The following AGBL1 variants were observed in gnomAD, a reference collection of about 807,000 sequenced individuals.
The protein encoded by AGBL1 is AGBL carboxypeptidase 1.
In AGBL1, 130 loss-of-function variants were observed where a neutral mutation model predicts 118.9. The observed-to-expected ratio is 1.09, with a 90% confidence interval of 0.95 to 1.26. The LOEUF (loss-of-function observed/expected upper bound fraction) is 1.26. Ranked by LOEUF, AGBL1 falls within the 50% of genes most tolerant of loss-of-function variation. The pLI, the probability that AGBL1 is intolerant of heterozygous loss-of-function variation, is 0.00. For missense variants in AGBL1, 1,584 were observed against 1,298.1 expected (o/e 1.22, Z -3.38); for synonymous variants, 555 against 478.9 (o/e 1.16, Z -2.08).
At chr15:86,661,273 A>C (rs970201614) in intron 21 of AGBL1, among the ~76,000 whole-genome samples, 4 of 152,086 alleles carry the variant, frequency 2.6e-5, no homozygotes, top group African/African-American at 9.7e-5. Context: ...TGGACTCTAA[A>C]ATGACACCCT....
At chr15:86,529,981 C>A (rs1193207041) in intron 19 of AGBL1, among the ~76,000 whole-genome samples, 34 of 137,450 alleles carry the variant, frequency 2.5e-4, no homozygotes, top group African/African-American at 1.0e-3. Flanking sequence ...AAAGGAACAA[C>A]CGGTACCAGC....
At chr15:87,017,523 C>A (rs547564637) in intron 24 of AGBL1, among the ~76,000 whole-genome samples, 1 of 152,090 alleles carries the variant, frequency 6.6e-6, no homozygotes, top group African/African-American at 2.4e-5. Flanking sequence ...CCATAGTGGA[C>A]CCCTAGAAAA....
intron 24 of AGBL1, among the ~76,000 whole-genome samples, chr15:86,994,812 T>A (rs1036259451): frequency 3.9e-5 from 6 of 152,218 alleles, no homozygotes; most frequent in Non-Finnish European, 7.3e-5. Context: ...CTTTAGAACA[T>A]AAAGTATATG....
chr15:86,946,738 T>C (rs532121061), intron 23 of AGBL1, among the ~76,000 whole-genome samples: 9 of 148,552 alleles, frequency 6.1e-5, no homozygotes, highest in Non-Finnish European at 1.2e-4. Flanking sequence ...CCTCAGCTAC[T>C]CGGGAGGCTG....
intron 23 of AGBL1, among the ~76,000 whole-genome samples, chr15:86,948,677 T>A (rs1596664686): frequency 6.6e-6 from 1 of 152,248 alleles, no homozygotes; most frequent in African/African-American, 2.4e-5. Context: ...AACATTCTTT[T>A]CTGTTTGAGT....
chr15:86,756,898 C>G lies in AGBL1; in HGVS notation c.3158+82462C>G, dbSNP rs544818263. ...TGACAGTTCAAATAGCTCCCTCTGG[C>G]TGTAGTTTGGTTGTGTTGACCAAAT... On this transcript the variant is annotated intron_variant, in intron 22 of 22. Transcript: ENST00000614907. Among the ~76,000 whole-genome samples the G allele has an allele frequency of 2.6e-5, 4 of 151,020 alleles. No individual in the cohort carries two copies. The East Asian group carries it at 7.8e-4, about 30-fold the overall frequency.
intron 22 of AGBL1, among the ~76,000 whole-genome samples, chr15:86,831,207 A>G (rs2079099605): frequency 6.6e-6 from 1 of 152,206 alleles, no homozygotes; most frequent in South Asian, 2.1e-4. Flanking sequence ...TATGGGAGCT[A>G]AAATTCAAGA....
intron 1 of AGBL1, among the ~76,000 whole-genome samples, chr15:86,134,604 C>T (rs201411526): frequency 0.01 from 888 of 84,582 alleles, 16 homozygotes; most frequent in South Asian, 0.034. Context: ...TCAATGGTGC[C>T]TTTTTTTTTT....
intron 18 of AGBL1, among the ~76,000 whole-genome samples, chr15:86,472,304 A>G (rs1318303200): frequency 6.6e-6 from 1 of 152,222 alleles, no homozygotes; most frequent in East Asian, 1.9e-4. Context: ...GGTGATTACA[A>G]GACCTGGTTA....
intron 8 of AGBL1, 29 bp downstream of exon 8, chr15:86,257,047 A>T: frequency 6.3e-7 from 1 of 1,596,892 alleles, no homozygotes; most frequent in Non-Finnish European, 8.5e-7. Context: ...TATGACCTTT[A>T]AGATGAGTTT....
chr15:86,451,600 C>T (rs2082193773), intron 18 of AGBL1, among the ~76,000 whole-genome samples: 1 of 152,120 alleles, frequency 6.6e-6, no homozygotes, highest in Non-Finnish European at 1.5e-5. Flanking sequence ...AGAGGTAATT[C>T]CTCCAAAGGA....
rs534549278 is a variant in AGBL1, at chr15:86,534,879, C to G, written c.2686-11123C>G. 3.9e-5 allele frequency among the ~76,000 whole-genome samples: 6 copies of G among 152,184 alleles called. No homozygotes were observed. In the South Asian group the frequency reaches 1.0e-3, roughly 26 times the overall value. On this transcript the variant is annotated intron_variant, in intron 19 of 22. Transcript: ENST00000614907. ...GGGACATAAATTGAACAGTGTTTGC[C>G]TCTGAGGAAGAGCATTGAATAGTAG... is the stretch of plus-strand genomic sequence containing the variant.
intron 22 of AGBL1, among the ~76,000 whole-genome samples, chr15:86,796,225 A>G (rs1000456424): frequency 6.6e-6 from 1 of 152,158 alleles, no homozygotes; most frequent in Admixed American, 6.5e-5. Context: ...TCCACCTCAC[A>G]CTGGGAAAAG....
intron 5 of AGBL1, among the ~76,000 whole-genome samples, chr15:86,214,605 C>G (rs932842033): frequency 5.9e-5 from 9 of 152,212 alleles, no homozygotes. Context: ...TTTGTGAGAA[C>G]TTATTGCAAT....
Position 86,914,590 on chromosome 15 carries a change from C to T in AGBL1, c.*7296C>T, listed in dbSNP as rs1198724430. On this transcript the variant is annotated 3_prime_UTR_variant, in exon 23 of 23. Transcript: ENST00000614907. Reference sequence around the variant, plus strand: ...AGTATCTATAATAGTCTAAGACCATCGCAGGTGTCATCATGTTTAAGCCTA... The same window carrying T: ...AGTATCTATAATAGTCTAAGACCATTGCAGGTGTCATCATGTTTAAGCCTA... 2.0e-5 allele frequency: 3 copies of T among 152,230 alleles called. No homozygotes were observed. Among genetic ancestry groups the T allele is most frequent in the Admixed American group, 6.5e-5 (1 of 15,290 alleles). The allele number at this position is 152,230 out of a possible 1,614,324, so 9.4% of individuals were successfully genotyped here. A position where few individuals can be genotyped will look rare whatever the true frequency, so the allele number is the denominator to read the frequency against.
At chr15:87,021,901 A>C (rs2081668348) in intron 24 of AGBL1, among the ~76,000 whole-genome samples, 1 of 152,148 alleles carries the variant, frequency 6.6e-6, no homozygotes, top group Non-Finnish European at 1.5e-5. Context: ...CTCCTGCAGG[A>C]CCCAGGAGAC....
Position 86,391,114 on chromosome 15 carries a change from CAAT to C in AGBL1, c.2375-6245_2375-6243del, listed in dbSNP as rs527637704. On this transcript the variant is annotated intron_variant, in intron 17 of 22. Transcript: ENST00000614907. ...GAAATGAGGAGAATATCGGAGATGA[CAAT>C]AATAATTTTATCATGATCATTTGAT... 6.7e-3 allele frequency among the ~76,000 whole-genome samples: 1,005 copies of C among 150,948 alleles called. 10 individuals are homozygous for C. The highest frequency in any genetic ancestry group is 0.023 in the African/African-American group (935 of 40,992).
chr15:86,572,018 C>A (rs1373972140), intron 21 of AGBL1, among the ~76,000 whole-genome samples: 1 of 152,180 alleles, frequency 6.6e-6, no homozygotes, highest in East Asian at 1.9e-4. Context: ...CCTGAGGGGG[C>A]CAAGCCGGCA....
At chr15:86,812,303 T>C (rs954167100) in intron 22 of AGBL1, among the ~76,000 whole-genome samples, 1 of 152,166 alleles carries the variant, frequency 6.6e-6, no homozygotes, top group Admixed American at 6.5e-5. Flanking sequence ...CACCCCAATA[T>C]GGTGTTTAGA....
Sources: allele counts gnomAD v4.1 joint callset (sites outside exome capture counted in the v4.1 genomes callset), GRCh38; gene constraint gnomAD v4.1.1; transcripts MANE v1.5; gene names NCBI Gene and HGNC (gene_info 2026-07-23, HGNC 2026-07-21).